Variants in PHACTR1 observed in about 807,000 individuals in gnomAD.
PHACTR1 encodes RPEL repeat containing 1.
PHACTR1 carries 16 observed loss-of-function variants against 69.2 expected under a neutral mutation model. The observed-to-expected ratio is 0.23, with a 90% CI of 0.16 to 0.35. The LOEUF (loss-of-function observed/expected upper bound fraction) is 0.35, where lower values mean the gene tolerates loss of function less well. Among genes scored for constraint, PHACTR1 ranks in the 10% least tolerant of loss-of-function variants. PHACTR1 has a pLI of 1.00. For synonymous variants in PHACTR1, 312 were observed against 284.5 expected, an observed-to-expected ratio of 1.10 and a Z score of -0.97; for missense variants, 510 against 734.7, an observed-to-expected ratio of 0.69 and a Z score of 3.54.
chr6:13,217,010 G>A (rs1767774072), intron 8 of PHACTR1, among the ~76,000 whole-genome samples: 1 of 152,020 alleles, frequency 6.6e-6, no homozygotes, highest in Non-Finnish European at 1.5e-5. Context: ...CTTTTCCAAT[G>A]CACAAATATT....
intron 4 of PHACTR1, among the ~76,000 whole-genome samples, chr6:13,047,526 A>G (rs967113046): frequency 5.9e-5 from 9 of 152,076 alleles, no homozygotes; most frequent in Admixed American, 1.3e-4. Flanking sequence ...TACAAGCAAA[A>G]GCGAAGGTTA....
chr6:12,781,031 A>G (rs1404208803), intron 4 of PHACTR1, among the ~76,000 whole-genome samples: 1 of 152,162 alleles, frequency 6.6e-6, no homozygotes, highest in East Asian at 1.9e-4. Flanking sequence ...TCTCAGGCAA[A>G]TTACTAGTAG....
chr6:12,834,529 A>G (rs139317428), intron 4 of PHACTR1, among the ~76,000 whole-genome samples: 1 of 152,316 alleles, frequency 6.6e-6, no homozygotes, highest in African/African-American at 2.4e-5. Context: ...TAAACTACAC[A>G]AAGGTATATG....
chr6:12,997,466 T>G (rs1367350940), intron 4 of PHACTR1, among the ~76,000 whole-genome samples: 1 of 150,552 alleles, frequency 6.6e-6, no homozygotes, highest in East Asian at 1.9e-4. Flanking sequence ...TGCCTGCCAT[T>G]TTTTCTAGTT....
chr6:13,013,496 T>G (rs1027266330), intron 4 of PHACTR1, among the ~76,000 whole-genome samples: 2 of 152,214 alleles, frequency 1.3e-5, no homozygotes, highest in African/African-American at 4.8e-5. Context: ...GGGAGGGGGT[T>G]GGCGTTCCGC....
chr6:13,018,532 C>T (rs1800501450), intron 4 of PHACTR1, among the ~76,000 whole-genome samples: 1 of 152,138 alleles, frequency 6.6e-6, no homozygotes, highest in Admixed American at 6.5e-5. Context: ...TTGTTACCCC[C>T]CAAGTCCAGT....
rs70989822 is a variant in PHACTR1 at position 13,003,980 on chromosome 6, C to CATATATATATAT, written c.251-49384_251-49383insTATATATATATA. Among the ~76,000 whole-genome samples the CATATATATATAT allele has an allele frequency of 1.0e-3, 110 of 105,878 alleles. 3 individuals are homozygous for CATATATATATAT. Among genetic ancestry groups the CATATATATATAT allele is most frequent in the African/African-American group, 4.8e-3 (100 of 20,894 alleles). The allele number at this position is 105,878 out of a possible 152,430, so 69.5% of individuals were successfully genotyped here. On this transcript the variant is annotated intron_variant, in intron 4 of 14. Coordinates refer to ENST00000332995, the MANE Select transcript of PHACTR1 (RefSeq NM_030948.6). Reference sequence around the variant, plus strand: ...ATATATATATGTATATATATATATACACATATATATATATCACATTTTCTT... The same window carrying CATATATATATAT: ...ATATATATATGTATATATATATATACATATATATATATACATATATATATATCACATTTTCTT...
In PHACTR1 at chr6:13,206,070, C is replaced by T. The variant is rs376549077; in HGVS notation, c.920C>T (p.Pro307Leu). ...ACCACCGGCTCCCTCCCCATGCACCCCTCGGGCTGCAGAATGATAGACGAG... is the reference window on the plus strand; with the variant it reads ...ACCACCGGCTCCCTCCCCATGCACCTCTCGGGCTGCAGAATGATAGACGAG... Reference protein sequence around the residue: ...PSTTGSLPMHPSGCRMIDELN... With the variant: ...PSTTGSLPMHLSGCRMIDELN... Residue 307 changes from proline to leucine, a missense_variant, in exon 8 of 15, where the codon CCC becomes CTC. Physicochemically the swap from Pro to Leu is moderately conservative, Grantham distance 98. This residue lies in a region of PHACTR1 where 419 missense variants were observed against 530.9 expected (regional missense o/e 0.79). Transcript: ENST00000332995. The T allele has an allele frequency of 1.6e-4, 255 of 1,613,506 alleles. No individual in the cohort carries two copies. The highest frequency in any genetic ancestry group is 2.1e-4 in the Non-Finnish European group (246 of 1,179,746).
At chr6:12,969,579 C>G (rs1029090183) in intron 4 of PHACTR1, among the ~76,000 whole-genome samples, 3 of 151,982 alleles carry the variant, frequency 2.0e-5, no homozygotes, top group African/African-American at 7.2e-5. Flanking sequence ...CCAGCTCTAC[C>G]AAAAATATAT....
intron 4 of PHACTR1, among the ~76,000 whole-genome samples, chr6:13,050,142 GA>G (rs1215775119): frequency 6.6e-6 from 1 of 152,204 alleles, no homozygotes; most frequent in Non-Finnish European, 1.5e-5. Context: ...TGACATTGTT[GA>G]AGAAGCACCA....
intron 5 of PHACTR1, among the ~76,000 whole-genome samples, chr6:13,065,491 A>C (rs1808485921): frequency 6.6e-6 from 1 of 152,052 alleles, no homozygotes; most frequent in Admixed American, 6.6e-5. Context: ...GTCCTTTGGG[A>C]TTATGACTTT....
chr6:12,831,377 G>A (rs1314704832), intron 4 of PHACTR1, among the ~76,000 whole-genome samples: 1 of 152,160 alleles, frequency 6.6e-6, no homozygotes, highest in African/African-American at 2.4e-5. Context: ...CGTCACTCAG[G>A]ACCTCAGGTA....
chr6:13,180,413 A>G (rs943516194), intron 6 of PHACTR1, among the ~76,000 whole-genome samples: 2 of 152,210 alleles, frequency 1.3e-5, no homozygotes, highest in African/African-American at 4.8e-5. Context: ...GGAGCAAGCA[A>G]TATTGCTTCT....
At chr6:13,106,072 A>G (rs6931695) in intron 5 of PHACTR1, among the ~76,000 whole-genome samples, 10,999 of 152,226 alleles carry the variant, frequency 0.072, 1,350 homozygotes, top group African/African-American at 0.25. Flanking sequence ...AAGGATGAAT[A>G]TATAGTTAAA....
chr6:12,919,817 C>T (rs1250359798), intron 4 of PHACTR1, among the ~76,000 whole-genome samples: 2 of 152,106 alleles, frequency 1.3e-5, no homozygotes, highest in African/African-American at 4.8e-5. Context: ...ACATCTTTTG[C>T]GTCTTTTGTT....
At chr6:12,872,527 C>G (rs562726638) in intron 4 of PHACTR1, among the ~76,000 whole-genome samples, 1 of 152,224 alleles carries the variant, frequency 6.6e-6, no homozygotes, top group Admixed American at 6.5e-5. Flanking sequence ...ATGTACATAA[C>G]CACTTAATTA....
At position 13,262,567 on chromosome 6, in the gene PHACTR1, C is replaced by T. The variant is rs1340143752; in HGVS notation, c.1392-10293C>T. On this transcript the variant is annotated intron_variant, in intron 10 of 14. Transcript: ENST00000332995. ...GAGCATCTATTATGCTCTCTATGCT[C>T]TCTTAGGAACTGGGGATGTAGTAAT... Among the ~76,000 whole-genome samples, 3 of 152,168 alleles carry T rather than the reference C, an allele frequency of 2.0e-5. No homozygotes were observed. The South Asian group carries it at 6.2e-4, about 32-fold the overall frequency.
intron 8 of PHACTR1, among the ~76,000 whole-genome samples, chr6:13,227,310 C>A (rs549330412): frequency 1.3e-5 from 2 of 152,178 alleles, no homozygotes; most frequent in Non-Finnish European, 2.9e-5. Flanking sequence ...CCCTATTAGT[C>A]GCCCTGTGTA....
At chr6:12,917,154 A>G (rs956529352) in intron 4 of PHACTR1, among the ~76,000 whole-genome samples, 3 of 152,234 alleles carry the variant, frequency 2.0e-5, no homozygotes, top group Non-Finnish European at 4.4e-5. Context: ...GGCTTAATCA[A>G]TGATGTTTTC....
Sources: allele counts gnomAD v4.1 joint callset (sites outside exome capture counted in the v4.1 genomes callset), GRCh38; gene constraint gnomAD v4.1.1; regional missense constraint gnomAD v4.1.1; transcripts MANE v1.5; gene names NCBI Gene and HGNC (gene_info 2026-07-23, HGNC 2026-07-21).